Variants in POU6F2 observed in about 807,000 individuals in gnomAD.
The protein encoded by POU6F2 is POU domain, class 6, transcription factor 2.
Under a neutral mutation model 71.3 loss-of-function variants are expected in POU6F2, and 31 were observed. That is an observed-to-expected ratio of 0.43 (90% confidence interval 0.33 to 0.59). The LOEUF (loss-of-function observed/expected upper bound fraction) is 0.59. Among genes scored for constraint, POU6F2 ranks in the 20% least tolerant of loss-of-function variants. The pLI is 0.04. For missense variants in POU6F2, 783 were observed against 856.8 expected, an observed-to-expected ratio of 0.91 and a Z score of 1.07; for synonymous variants, 347 against 355.7, an observed-to-expected ratio of 0.98 and a Z score of 0.27.
At chr7:39,283,745 C>A (rs770426967) in intron 4 of POU6F2, among the ~76,000 whole-genome samples, 4 of 152,174 alleles carry the variant, frequency 2.6e-5, no homozygotes, top group Non-Finnish European at 5.9e-5. Flanking sequence ...TATTTTAACT[C>A]ATTCCCAAGA....
intron 2 of POU6F2, among the ~76,000 whole-genome samples, chr7:39,164,177 A>G (rs1793060897): frequency 6.6e-6 from 1 of 151,980 alleles, no homozygotes; most frequent in South Asian, 2.1e-4. Context: ...CATATTTCAA[A>G]ACATGTTGTA....
rs188334042 is a variant in POU6F2, at chr7:39,146,943, A to G, written c.278-57292A>G. ...TAATGGCTTGAATATTTTTAAAAAT[A>G]TATAATATTATCTGGAAAAATTAGG... On this transcript the variant is annotated intron_variant, in intron 2 of 9. Transcript: ENST00000518318. 5.3e-5 allele frequency among the ~76,000 whole-genome samples: 8 copies of G among 152,296 alleles called. No individual in the cohort carries two copies. In the East Asian group the frequency reaches 1.5e-3, roughly 29 times the overall value.
At chr7:39,033,931 T>C (rs982704568) in intron 1 of POU6F2, among the ~76,000 whole-genome samples, 2 of 152,196 alleles carry the variant, frequency 1.3e-5, no homozygotes, top group Non-Finnish European at 2.9e-5. Context: ...TCAGCTGTAA[T>C]GTTATGAACA....
At chr7:39,250,484 A>G (rs1240178322) in intron 4 of POU6F2, among the ~76,000 whole-genome samples, 1 of 152,192 alleles carries the variant, frequency 6.6e-6, no homozygotes, top group Non-Finnish European at 1.5e-5. Context: ...ACCCTTCTTA[A>G]TAGCCACCTT....
intron 4 of POU6F2, among the ~76,000 whole-genome samples, chr7:39,323,729 A>C (rs903671813): frequency 6.6e-6 from 1 of 152,198 alleles, no homozygotes. Context: ...GCAGATGGGC[A>C]CTTGGCAAAT....
chr7:39,081,092 T>C (rs576033696), intron 1 of POU6F2, among the ~76,000 whole-genome samples: 10 of 152,344 alleles, frequency 6.6e-5, no homozygotes, highest in Admixed American at 2.0e-4. Flanking sequence ...GAAGTTAGCA[T>C]ATAATGACAG....
chr7:38,986,330 TG>T (rs1221920331), intron 1 of POU6F2, among the ~76,000 whole-genome samples: 4 of 152,120 alleles, frequency 2.6e-5, no homozygotes, highest in Non-Finnish European at 5.9e-5. Context: ...AGTAGTACTT[TG>T]CAGCTGTTAA....
At chr7:39,164,785 G>A (rs144307719) in intron 2 of POU6F2, among the ~76,000 whole-genome samples, 183 of 152,168 alleles carry the variant, frequency 1.2e-3, no homozygotes, top group Non-Finnish European at 7.4e-4. Flanking sequence ...GTAGTTAAAG[G>A]TGAATATCTG....
intron 2 of POU6F2, among the ~76,000 whole-genome samples, chr7:39,131,268 G>T (rs1309667470): frequency 6.6e-6 from 1 of 152,116 alleles, no homozygotes; most frequent in African/African-American, 2.4e-5. Flanking sequence ...TCCACCAGCT[G>T]CCACAATTGC....
chr7:39,171,061 A>G (rs1392063753), intron 2 of POU6F2, among the ~76,000 whole-genome samples: 1 of 125,730 alleles, frequency 8.0e-6, no homozygotes, highest in African/African-American at 3.1e-5. Flanking sequence ...TCTGGGATAC[A>G]TGTGCAGAAC....
chr7:39,135,203 T>A (rs1792365610), intron 2 of POU6F2, among the ~76,000 whole-genome samples: 1 of 152,200 alleles, frequency 6.6e-6, no homozygotes, highest in Admixed American at 6.5e-5. Flanking sequence ...AAAGCAGTTA[T>A]GAGCATTGAC....
intron 4 of POU6F2, among the ~76,000 whole-genome samples, chr7:39,241,276 G>A (rs1353069987): frequency 6.6e-6 from 1 of 152,120 alleles, no homozygotes; most frequent in Admixed American, 6.6e-5. Context: ...CATAATCAAT[G>A]GAGAGTGATT....
intron 5 of POU6F2, among the ~76,000 whole-genome samples, chr7:39,340,964 T>C (rs1166674083): frequency 6.6e-6 from 1 of 152,214 alleles, no homozygotes; most frequent in Non-Finnish European, 1.5e-5. Flanking sequence ...TTTGTAGTAC[T>C]GTGACAAAGT....
intron 6 of POU6F2, among the ~76,000 whole-genome samples, chr7:39,416,189 T>G (rs6948411): frequency 0.025 from 3,837 of 151,938 alleles, 147 homozygotes; most frequent in African/African-American, 0.088. Flanking sequence ...ACAGGGTATT[T>G]TGATTGGTAT....
chr7:39,085,265 C>G (rs1791214034), intron 1 of POU6F2: 2 of 152,184 alleles, frequency 1.3e-5, no homozygotes, highest in South Asian at 4.1e-4. Context: ...AAGCCAACTT[C>G]TAAGGGTGCT....
chr7:38,995,507 G>A (rs979030), intron 1 of POU6F2, among the ~76,000 whole-genome samples: 21 of 152,220 alleles, frequency 1.4e-4, no homozygotes, highest in Middle Eastern at 3.4e-3. Flanking sequence ...CCTTTGTGAT[G>A]AAAAAAAAGA....
At chr7:38,980,412 G>T (rs766393202) in intron 1 of POU6F2, among the ~76,000 whole-genome samples, 28 of 152,036 alleles carry the variant, frequency 1.8e-4, no homozygotes, top group Non-Finnish European at 2.9e-4. Flanking sequence ...ACCATATCTA[G>T]AAATATAAAA....
intron 2 of POU6F2, among the ~76,000 whole-genome samples, chr7:39,114,679 C>G (rs1162116685): frequency 6.6e-6 from 1 of 152,072 alleles, no homozygotes. Flanking sequence ...TGCCAAATTA[C>G]AGTTTTTATA....
intron 1 of POU6F2, among the ~76,000 whole-genome samples, chr7:39,008,695 T>A (rs1439266422): frequency 6.6e-4 from 100 of 150,514 alleles, no homozygotes; most frequent in African/African-American, 2.4e-3. Flanking sequence ...GAATTGATTT[T>A]TGTATAAGGT....
Sources: allele counts gnomAD v4.1 joint callset (sites outside exome capture counted in the v4.1 genomes callset), GRCh38; gene constraint gnomAD v4.1.1; transcripts MANE v1.5; gene names NCBI Gene and HGNC (gene_info 2026-07-23, HGNC 2026-07-21).